The following CIROZ variants were observed in gnomAD, a reference collection of about 807,000 sequenced individuals.
CIROZ encodes ciliated left-right organizer protein containing ZP-N domains, also known as ciliated left-right organizer ZP-N domains-containing protein.
chr1:10,979,544 C>T, the CIROZ span, among the ~76,000 whole-genome samples: 2 of 151,928 alleles, frequency 1.3e-5, no homozygotes, highest in Admixed American at 6.6e-5. Context: ...GTAGAATCTA[C>T]TAAGACTGAA....
chr1:10,970,108 G>T, the CIROZ span: 1 of 1,509,008 alleles, frequency 6.6e-7, no homozygotes, highest in Non-Finnish European at 8.8e-7. Flanking sequence ...GAAGGAAGGA[G>T]GAGGGAGGGA....
At chr1:10,952,725 T>C in the CIROZ span, among the ~76,000 whole-genome samples, 1 of 152,356 alleles carries the variant, frequency 6.6e-6, no homozygotes, top group East Asian at 1.9e-4. Context: ...TTGGCCAGGC[T>C]GATCTCAAAC....
the CIROZ span, among the ~76,000 whole-genome samples, chr1:10,951,256 G>A: frequency 6.6e-6 from 1 of 151,760 alleles, no homozygotes; most frequent in Admixed American, 6.6e-5. Flanking sequence ...CAACATGCAT[G>A]ATCTCATCTC....
the CIROZ span, chr1:10,947,672 G>C: frequency 6.7e-7 from 1 of 1,501,662 alleles, no homozygotes; most frequent in East Asian, 2.3e-5. Flanking sequence ...CTCAGCGTGA[G>C]GGCCTCTCAG....
the CIROZ span, among the ~76,000 whole-genome samples, chr1:10,975,336 C>T: frequency 6.8e-6 from 1 of 146,294 alleles, no homozygotes; most frequent in African/African-American, 2.5e-5. Flanking sequence ...AACCCGGGAG[C>T]AGAGGTTGTG....
the CIROZ span, among the ~76,000 whole-genome samples, chr1:10,965,800 G>A: frequency 6.6e-6 from 1 of 151,192 alleles, no homozygotes; most frequent in Non-Finnish European, 1.5e-5. Context: ...TCCAGCCTGG[G>A]TGCCAGAGCG....
the CIROZ span, among the ~76,000 whole-genome samples, chr1:10,968,282 T>A: frequency 6.6e-6 from 1 of 152,246 alleles, no homozygotes; most frequent in African/African-American, 2.4e-5. Context: ...GTAATTATCT[T>A]GTATTGCTTC....
the CIROZ span, among the ~76,000 whole-genome samples, chr1:10,971,807 T>TC: frequency 6.6e-6 from 1 of 152,184 alleles, no homozygotes; most frequent in Non-Finnish European, 1.5e-5. Context: ...GACCACTCTA[T>TC]CCCCAGGGTC....
chr1:10,964,295 T>C, the CIROZ span: 2 of 1,590,704 alleles, frequency 1.3e-6, no homozygotes, highest in South Asian at 1.1e-5. Flanking sequence ...AAAATTCATG[T>C]ATGCAAATGA....
the CIROZ span, among the ~76,000 whole-genome samples, chr1:10,977,019 C>T: frequency 2.0e-4 from 30 of 152,000 alleles, no homozygotes; most frequent in Admixed American, 1.4e-3. Flanking sequence ...ATTAGCTGGG[C>T]ATGGTGGCGC....
the CIROZ span, among the ~76,000 whole-genome samples, chr1:10,981,600 C>T: frequency 6.6e-6 from 1 of 152,094 alleles, no homozygotes; most frequent in African/African-American, 2.4e-5. Context: ...TCCTTACAAT[C>T]GAATAGCTAG....
At chr1:10,960,153 T>G in the CIROZ span, among the ~76,000 whole-genome samples, 4 of 152,116 alleles carry the variant, frequency 2.6e-5, no homozygotes, top group Admixed American at 2.6e-4. The surrounding 1 kb of genome is among the most constrained non-coding windows in gnomAD (Gnocchi z 4.6). Context: ...TTTGGGAGGC[T>G]GAGGCGGGTG....
chr1:10,972,536 C>G, the CIROZ span, among the ~76,000 whole-genome samples: 1 of 151,780 alleles, frequency 6.6e-6, no homozygotes, highest in Non-Finnish European at 1.5e-5. Context: ...TCTCTCTCAA[C>G]AGAGACATTT....
chr1:10,953,308 G>A, the CIROZ span, among the ~76,000 whole-genome samples: 5 of 152,196 alleles, frequency 3.3e-5, no homozygotes, highest in South Asian at 2.1e-4. Context: ...GAAAGTGATC[G>A]ACATCGTTTG....
the CIROZ span, chr1:10,966,448 A>C: frequency 2.0e-6 from 3 of 1,536,412 alleles, no homozygotes; most frequent in Middle Eastern, 1.7e-4. Context: ...ATTTAGCAAG[A>C]GAAGAATCCA....
At chr1:10,962,927 C>T in the CIROZ span, among the ~76,000 whole-genome samples, 1 of 152,182 alleles carries the variant, frequency 6.6e-6, no homozygotes, top group Non-Finnish European at 1.5e-5. Flanking sequence ...TGAGACCAGC[C>T]TGGGCAACAC....
At chr1:10,947,583 G>T in the CIROZ span, 2 of 1,208,100 alleles carry the variant, frequency 1.7e-6, no homozygotes, top group South Asian at 4.9e-5. Flanking sequence ...CCTCCAGGCC[G>T]ACCCATCACT....
At chr1:10,951,131 C>T in the CIROZ span, among the ~76,000 whole-genome samples, 3 of 152,134 alleles carry the variant, frequency 2.0e-5, no homozygotes, top group East Asian at 1.9e-4. Flanking sequence ...TCAGTGAACC[C>T]GACTTTAAAA....
chr1:10,956,297 A>G, the CIROZ span, among the ~76,000 whole-genome samples: 2 of 152,028 alleles, frequency 1.3e-5, no homozygotes, highest in Non-Finnish European at 2.9e-5. Context: ...TGAACAAAAC[A>G]GTTATCACAT....
Sources: gnomAD v4.1 joint callset for allele counts (sites outside exome capture counted in the v4.1 genomes callset) on GRCh38, gnomAD v4.1.1 for gene constraint, Gnocchi (gnomAD v3.1) non-coding constraint, MANE v1.5 for transcripts, NCBI Gene and HGNC (gene_info 2026-07-23, HGNC 2026-07-21) for gene names.